CALCOCO2: variants seen among roughly 807,000 people sequenced by gnomAD.
The protein encoded by CALCOCO2 is calcium-binding and coiled-coil domain-containing protein 2.
In CALCOCO2, 42 loss-of-function variants were observed where a neutral mutation model predicts 62.5. The ratio of observed to expected loss-of-function variants is 0.67; its 90% confidence interval spans 0.53 to 0.87. The LOEUF (loss-of-function observed/expected upper bound fraction) is 0.87. Among genes scored for constraint, CALCOCO2 ranks in the 40% least tolerant of loss-of-function variants. The pLI, the probability that CALCOCO2 is intolerant of heterozygous loss-of-function variation, is 0.00. For missense variants in CALCOCO2, 456 were observed against 515.0 expected, an observed-to-expected ratio of 0.89 and a Z score of 1.11; for synonymous variants, 167 against 173.0, an observed-to-expected ratio of 0.97 and a Z score of 0.27.
At chr17:48,845,192 G>A (rs2143606379) in intron 2 of CALCOCO2, among the ~76,000 whole-genome samples, 1 of 152,122 alleles carries the variant, frequency 6.6e-6, no homozygotes, top group East Asian at 1.9e-4. Context: ...ATACATTTCA[G>A]AGGTATTACC....
chr17:48,839,905 C>A (rs35372840), intron 1 of CALCOCO2, among the ~76,000 whole-genome samples: 51,426 of 150,924 alleles, frequency 0.34, 10,903 homozygotes, highest in Non-Finnish European at 0.49. Context: ...GAATTCCTAA[C>A]CTCAGGTGAT....
At chr17:48,849,229 G>T in intron 4 of CALCOCO2, 23 bp from the exon 5 acceptor site, 1 of 1,612,540 alleles carries the variant, frequency 6.2e-7, no homozygotes, top group Non-Finnish European at 8.5e-7. Flanking sequence ...TTGGAATATA[G>T]TTTATGGAAT....
intron 1 of CALCOCO2, among the ~76,000 whole-genome samples, chr17:48,834,721 G>A (rs1396270085): frequency 6.6e-6 from 1 of 152,184 alleles, no homozygotes; most frequent in Admixed American, 6.5e-5. Flanking sequence ...GGGAAAGGTG[G>A]TTAAAGGAGG....
chr17:48,858,040 A>AAT (rs2040259061), intron 10 of CALCOCO2, among the ~76,000 whole-genome samples: 1 of 11,544 alleles, frequency 8.7e-5, no homozygotes, highest in Non-Finnish European at 2.9e-4. Context: ...AATAGAATAG[A>AAT]ATAGAAAATA....
intron 5 of CALCOCO2, 133 bp from the exon 6 acceptor site, chr17:48,850,956 T>C (rs2040121142): frequency 3.4e-6 from 2 of 596,630 alleles, no homozygotes; most frequent in Admixed American, 2.6e-5. Flanking sequence ...TTTATTTGAG[T>C]ATTTCATTTA....
Position 48,862,973 on chromosome 17 carries a change from T to A in CALCOCO2, c.1309T>A (p.Phe437Ile). ...CTTCCCAGCTACAGAGAAGCAGATC[T>A]TTGAAGACCACGTGTTCTGCCACTC... ...KIFPATEKQI[F>I]EDHVFCHSL Residue 437 changes from phenylalanine to isoleucine, a missense_variant, in exon 13 of 13, where the codon TTT (phenylalanine) becomes ATT (isoleucine). By Grantham distance (21) the Phe-to-Ile change is conservative. Transcript: ENST00000258947. 1 of 1,613,928 alleles carries A rather than the reference T, an allele frequency of 6.2e-7. No individual in the cohort carries two copies. Among genetic ancestry groups the A allele is most frequent in the Non-Finnish European group, 8.5e-7 (1 of 1,179,740 alleles).
intron 5 of CALCOCO2, 30 bp from the exon 6 acceptor site, chr17:48,851,059 C>A: frequency 8.2e-7 from 1 of 1,226,082 alleles, no homozygotes; most frequent in Non-Finnish European, 1.2e-6. Context: ...TAGAACTAGT[C>A]TGTCCCTTTG....
intron 2 of CALCOCO2, chr17:48,844,065 T>C (rs1332279100): frequency 6.6e-6 from 1 of 152,262 alleles, no homozygotes; most frequent in African/African-American, 2.4e-5. Flanking sequence ...GTATTTTTAG[T>C]AGAGATAGGG....
intron 2 of CALCOCO2, among the ~76,000 whole-genome samples, chr17:48,845,386 T>C (rs1287462674): frequency 2.3e-5 from 2 of 88,436 alleles, no homozygotes; most frequent in Non-Finnish European, 4.7e-5. Context: ...TGTGTGTGTG[T>C]GTGTGTGTGT....
At chr17:48,841,603 C>G in intron 1 of CALCOCO2, 95 bp from the exon 2 acceptor site, 1 of 845,578 alleles carries the variant, frequency 1.2e-6, no homozygotes, top group Non-Finnish European at 1.7e-6. Context: ...TCCTGACTTG[C>G]TTTGCACAGA....
rs200324523 is a variant in CALCOCO2 at position 48,849,358 on chromosome 17, C to T, written c.524C>T (p.Ala175Val). 1.3e-5 allele frequency: 21 copies of T among 1,613,438 alleles called. No homozygotes were observed. The Admixed American group carries it at 2.3e-4, about 18-fold the overall frequency. ...SLQKQNSDMQ[A>V]ELQKKQEELE... ...CAGAAGCAGAACTCAGACATGCAGG[C>T]TGAGCTCCAAAAGAAGCAGGTATGG... The change falls in exon 5 of 13, where the codon GCT becomes GTT. Residue 175 changes from alanine to valine, a missense_variant. This residue lies in a region of CALCOCO2 where 236 missense variants were observed against 225.3 expected (regional missense o/e 1.05). Coordinates refer to ENST00000258947, the MANE Select transcript of CALCOCO2 (RefSeq NM_005831.5).
Position 48,848,414 on chromosome 17 carries a change from C to T in CALCOCO2, c.376C>T (p.Arg126Cys), listed in dbSNP as rs773097036. 8.1e-6 allele frequency: 13 copies of T among 1,613,736 alleles called. No individual in the cohort carries two copies. The highest frequency in any genetic ancestry group is 3.3e-5 in the South Asian group (3 of 91,082). The change falls in exon 4 of 13, where the codon CGT becomes TGT. Residue 126 changes from arginine (R) to cysteine (C), a missense_variant. Physicochemically the swap from Arg to Cys is radical, Grantham distance 180 (BLOSUM62 -3). Transcript: ENST00000258947. ...GGGAGCAAGTATTCCTTTCCAATTC[C>T]GTCCAGAAAATGAGGAAGACATCCT... ...VRGASIPFQFRPENEEDILVV... is the reference protein window; with the variant it reads ...VRGASIPFQFCPENEEDILVV...
chr17:48,842,969 A>T (rs190286308), intron 2 of CALCOCO2, among the ~76,000 whole-genome samples: 61 of 152,302 alleles, frequency 4.0e-4, no homozygotes, highest in African/African-American at 7.5e-4. Context: ...GGCTGACCTC[A>T]TATGTCATTT....
chr17:48,843,829 G>GCTTAACA (rs2040008109), intron 2 of CALCOCO2: 1 of 152,218 alleles, frequency 6.6e-6, no homozygotes. Context: ...AGCCACATGT[G>GCTTAACA]GCTGTTAAGC....
Position 48,856,093 on chromosome 17 carries a change from A to G in CALCOCO2, c.914A>G (p.Asp305Gly). 1 of 1,543,142 alleles carries G rather than the reference A, an allele frequency of 6.5e-7. No individual in the cohort carries two copies. The highest frequency in any genetic ancestry group is 8.9e-7 in the Non-Finnish European group (1 of 1,119,828). The change falls in exon 10 of 13, where the codon GAT becomes GGT. Residue 305 changes from aspartate to glycine, a missense_variant and splice_region_variant. Coordinates refer to ENST00000258947, the MANE Select transcript of CALCOCO2 (RefSeq NM_005831.5). The part of the protein sequence containing the change: ...TAMKKQQELM[D>G]ENFDLSKRLS... ...CCTAATTTTTTTTATTGTTGACAGG[A>G]TGAAAACTTTGACCTGTCAAAAAGA...
chr17:48,862,997 T>C lies in CALCOCO2; in HGVS notation c.1333T>C (p.Ser445Pro). The C allele has an allele frequency of 6.2e-7, 1 of 1,610,072 alleles. No homozygotes were observed. The highest frequency in any genetic ancestry group is 8.5e-7 in the Non-Finnish European group (1 of 1,176,266). ...CTTTGAAGACCACGTGTTCTGCCACTCTCTCTGAGTATCCCAACCTCTTGG... is the reference window on the plus strand; with the variant it reads ...CTTTGAAGACCACGTGTTCTGCCACCCTCTCTGAGTATCCCAACCTCTTGG... ...QIFEDHVFCH[S>P]L is the part of the protein sequence containing the mutation. The change falls in exon 13 of 13, where the codon TCT becomes CCT. Residue 445 changes from serine (S) to proline (P), a missense_variant. Coordinates refer to ENST00000258947, the MANE Select transcript of CALCOCO2 (RefSeq NM_005831.5).
intron 1 of CALCOCO2, among the ~76,000 whole-genome samples, chr17:48,835,714 T>G (rs996328908): frequency 3.0e-5 from 4 of 132,002 alleles, no homozygotes; most frequent in African/African-American, 5.6e-5. Context: ...TAACTTAGAT[T>G]GGTTGTTTTT....
At chr17:48,852,864 ATGGTG>A in intron 8 of CALCOCO2, 57 bp from the exon 9 acceptor site, 1 of 1,268,458 alleles carries the variant, frequency 7.9e-7, no homozygotes. Flanking sequence ...AGGCCCTTCC[ATGGTG>A]TGTGTGTGCA....
chr17:48,850,933 A>T, intron 5 of CALCOCO2, 156 bp from the exon 6 acceptor site: 2 of 490,468 alleles, frequency 4.1e-6, no homozygotes, highest in Non-Finnish European at 7.4e-6. Flanking sequence ...AAAAAAAAAA[A>T]GAACATTTTC....
Sources: gnomAD v4.1 joint callset for allele counts (sites outside exome capture counted in the v4.1 genomes callset) on GRCh38, gnomAD v4.1.1 for gene constraint, gnomAD v4.1.1 regional missense constraint, MANE v1.5 for transcripts, NCBI Gene and HGNC (gene_info 2026-07-23, HGNC 2026-07-21) for gene names.